The following STARD13 variants were observed in gnomAD, a reference collection of about 807,000 sequenced individuals.
STARD13 encodes the protein stAR-related lipid transfer protein 13.
In STARD13, 62 loss-of-function variants were observed where a neutral mutation model predicts 106.4. That is an observed-to-expected ratio of 0.58 (90% CI 0.48 to 0.72). The LOEUF (loss-of-function observed/expected upper bound fraction) is 0.72, where lower values mean the gene tolerates loss of function less well. Ranked by LOEUF, STARD13 falls within the 30% of genes least tolerant of loss-of-function variation. STARD13 has a pLI of 0.00. For missense variants in STARD13, 1,387 were observed against 1,424.0 expected (o/e 0.97, Z 0.42); for synonymous variants, 565 against 553.0 (o/e 1.02, Z -0.31).
chr13:33,623,377 G>A, the STARD13 span, among the ~76,000 whole-genome samples: 2 of 72,186 alleles, frequency 2.8e-5, no homozygotes, highest in African/African-American at 4.1e-5. Context: ...GCCTAGAAAA[G>A]ACACAAAAAG....
At chr13:33,572,193 G>T in the STARD13 span, among the ~76,000 whole-genome samples, 1 of 152,090 alleles carries the variant, frequency 6.6e-6, no homozygotes, top group South Asian at 2.1e-4. Flanking sequence ...GTTAAATCAA[G>T]TTTAGCCTAA....
intron 1 of STARD13, among the ~76,000 whole-genome samples, chr13:33,209,964 C>T (rs536641534): frequency 3.9e-5 from 6 of 152,232 alleles, no homozygotes; most frequent in Admixed American, 3.3e-4. Context: ...AGACCAAGAT[C>T]CTGTCTTGAA....
At chr13:33,529,522 C>G in the STARD13 span, among the ~76,000 whole-genome samples, 4 of 152,236 alleles carry the variant, frequency 2.6e-5, no homozygotes, top group African/African-American at 9.6e-5. Flanking sequence ...TTCATTCATT[C>G]ATATGCCAAG....
At chr13:33,417,736 T>A in the STARD13 span, among the ~76,000 whole-genome samples, 1 of 152,106 alleles carries the variant, frequency 6.6e-6, no homozygotes, top group Non-Finnish European at 1.5e-5. Context: ...AGACACAAAG[T>A]AGACTCATGG....
intron 1 of STARD13, among the ~76,000 whole-genome samples, chr13:33,200,023 C>T (rs1044908397): frequency 2.6e-5 from 4 of 152,232 alleles, no homozygotes; most frequent in Non-Finnish European, 1.5e-5. Flanking sequence ...TTTGCTGAGG[C>T]AGTAGAGCAT....
At chr13:33,201,183 C>G (rs1887013771) in intron 1 of STARD13, among the ~76,000 whole-genome samples, 1 of 152,204 alleles carries the variant, frequency 6.6e-6, no homozygotes, top group African/African-American at 2.4e-5. Context: ...ATCCTTAGCT[C>G]TGGCCCCTGT....
At chr13:33,622,131 T>C in the STARD13 span, among the ~76,000 whole-genome samples, 4 of 151,768 alleles carry the variant, frequency 2.6e-5, no homozygotes, top group South Asian at 2.1e-4. Flanking sequence ...TCAAACCTTA[T>C]AAAAAACAAA....
rs923885118 is a variant in STARD13, at chr13:33,192,089, A to G, written c.170-24467T>C. The stretch of plus-strand genomic sequence containing the variant: ...TTTTTGGCAGTTCCCACAGCAATTA[A>G]CCCGGTGTTAGGCACACAGTGGCAT... On this transcript the variant is annotated intron_variant, in intron 1 of 13. Transcript: ENST00000336934. Among the ~76,000 whole-genome samples, 4 of 152,160 alleles carry G rather than the reference A, an allele frequency of 2.6e-5. 1 individual carries two copies. The East Asian group carries it at 5.8e-4, about 22-fold the overall frequency.
At chr13:33,119,902 A>C (rs1876002500) in intron 7 of STARD13, among the ~76,000 whole-genome samples, 8 of 152,342 alleles carry the variant, frequency 5.3e-5, no homozygotes, top group Admixed American at 4.6e-4. Flanking sequence ...AATTTCATCA[A>C]AGGGCATGGA....
chr13:33,537,307 C>T, the STARD13 span, among the ~76,000 whole-genome samples: 1 of 152,314 alleles, frequency 6.6e-6, no homozygotes, highest in East Asian at 1.9e-4. Context: ...TTGTGGTTTC[C>T]GAAATACTGC....
At chr13:33,402,864 T>TC in the STARD13 span, among the ~76,000 whole-genome samples, 2 of 152,060 alleles carry the variant, frequency 1.3e-5, no homozygotes, top group Non-Finnish European at 2.9e-5. Flanking sequence ...CACTTCCGGC[T>TC]CCCCATTCAT....
rs1242697015 is a variant in STARD13 at position 33,104,314 on chromosome 13, A to C, written c.*1279T>G. The C allele has an allele frequency of 2.0e-5, 3 of 152,428 alleles. No individual in the cohort carries two copies. The highest frequency in any genetic ancestry group is 2.9e-5 in the Non-Finnish European group (2 of 68,038). 9.4% of individuals were successfully genotyped at this position (152,428 alleles called of 1,614,324 possible). On this transcript the variant is annotated 3_prime_UTR_variant, in exon 14 of 14. Coordinates refer to ENST00000336934, the MANE Select transcript of STARD13 (RefSeq NM_178006.4). Reference sequence around the variant, plus strand: ...TACAATAATAAATAAGGTTGGGTCAAATGCATAGGTAGCTTGGACTGGCTA... The same window carrying C: ...TACAATAATAAATAAGGTTGGGTCACATGCATAGGTAGCTTGGACTGGCTA...
intron 1 of STARD13, among the ~76,000 whole-genome samples, chr13:33,228,811 A>C (rs561482381): frequency 6.6e-6 from 1 of 152,352 alleles, no homozygotes; most frequent in Non-Finnish European, 1.5e-5. Flanking sequence ...GGCCAGAATT[A>C]AAACAAATAA....
intron 3 of STARD13, among the ~76,000 whole-genome samples, chr13:33,159,302 A>AATTG (rs1202927847): frequency 3.9e-5 from 6 of 152,164 alleles, no homozygotes; most frequent in Non-Finnish European, 8.8e-5. Flanking sequence ...ATTTCACATG[A>AATTG]ATTGTACTTG....
At chr13:33,243,060 C>G (rs1442708578) in intron 1 of STARD13, among the ~76,000 whole-genome samples, 1 of 152,186 alleles carries the variant, frequency 6.6e-6, no homozygotes, top group Non-Finnish European at 1.5e-5. Flanking sequence ...GATGTGGCTA[C>G]AGGAATTCCT....
At chr13:33,168,211 A>G (rs1463045864) in intron 1 of STARD13, among the ~76,000 whole-genome samples, 3 of 152,162 alleles carry the variant, frequency 2.0e-5, no homozygotes, top group African/African-American at 7.2e-5. Flanking sequence ...ATGTTCATTA[A>G]TCAAGCACAT....
At chr13:33,146,638 T>C (rs1041654956) in intron 3 of STARD13, among the ~76,000 whole-genome samples, 2 of 152,224 alleles carry the variant, frequency 1.3e-5, no homozygotes, top group Non-Finnish European at 2.9e-5. Flanking sequence ...GTGACATCAG[T>C]GAAAAAGGTT....
At chr13:33,318,088 GAGGTA>G (rs1256210075) in intron 1 of STARD13, among the ~76,000 whole-genome samples, 3 of 152,148 alleles carry the variant, frequency 2.0e-5, no homozygotes, top group Non-Finnish European at 4.4e-5. Context: ...AATCTATTGG[GAGGTA>G]ATACGATCTA....
chr13:33,439,809 T>G, the STARD13 span: 3 of 682,580 alleles, frequency 4.4e-6, no homozygotes, highest in East Asian at 2.2e-4. Context: ...AAAATAAGAT[T>G]GTAAAATTAG....
Sources: allele counts gnomAD v4.1 joint callset (sites outside exome capture counted in the v4.1 genomes callset), GRCh38; gene constraint gnomAD v4.1.1; transcripts MANE v1.5; gene names NCBI Gene and HGNC (gene_info 2026-07-23, HGNC 2026-07-21).